SYN3: variants seen among roughly 807,000 people sequenced by gnomAD.
SYN3 encodes synapsin III, also known as synapsin-3.
A neutral mutation model predicts 65.8 loss-of-function variants in SYN3; 35 were observed. The ratio of observed to expected loss-of-function variants is 0.53; its 90% CI spans 0.41 to 0.70. SYN3 has a LOEUF of 0.70. Ranked by LOEUF, SYN3 falls within the 30% of genes least tolerant of loss-of-function variation. The probability of loss-of-function intolerance (pLI) is 0.00; values close to 1 mark genes in which losing one functional copy is unlikely to be tolerated. For missense variants in SYN3, 680 were observed against 749.0 expected (o/e 0.91, Z 1.08); for synonymous variants, 270 against 292.9 (o/e 0.92, Z 0.80).
intron 6 of SYN3, among the ~76,000 whole-genome samples, chr22:32,615,761 C>A (rs542384836): frequency 1.3e-5 from 2 of 152,338 alleles, no homozygotes; most frequent in Admixed American, 1.3e-4. Context: ...TTTTTCCCAC[C>A]TGTCTGCAGG....
intron 6 of SYN3, among the ~76,000 whole-genome samples, chr22:32,768,827 G>C (rs1443927372): frequency 1.3e-5 from 2 of 152,074 alleles, no homozygotes; most frequent in African/African-American, 4.8e-5. Flanking sequence ...TTCTCCTCTA[G>C]ATTCTCAGTG....
At chr22:32,815,210 T>G (rs1397438773) in intron 6 of SYN3, among the ~76,000 whole-genome samples, 3 of 152,222 alleles carry the variant, frequency 2.0e-5, no homozygotes, top group African/African-American at 7.2e-5. Flanking sequence ...TTCGAGGTAC[T>G]TTTGGGCTGA....
At chr22:32,833,520 G>C (rs73158335) in intron 6 of SYN3, among the ~76,000 whole-genome samples, 1 of 152,176 alleles carries the variant, frequency 6.6e-6, no homozygotes, top group African/African-American at 2.4e-5. Flanking sequence ...GACTGTAGAA[G>C]AAATTCAAAG....
intron 6 of SYN3, among the ~76,000 whole-genome samples, chr22:32,696,749 C>T (rs2060741947): frequency 6.6e-6 from 1 of 152,182 alleles, no homozygotes; most frequent in African/African-American, 2.4e-5. Context: ...TCAACTTACT[C>T]TTCCTATCCC....
intron 6 of SYN3, among the ~76,000 whole-genome samples, chr22:32,834,451 C>T (rs1395288431): frequency 6.6e-6 from 1 of 152,212 alleles, no homozygotes; most frequent in African/African-American, 2.4e-5. Context: ...GCATGAGCCA[C>T]TGCACCCGGC....
At chr22:32,723,492 C>T (rs2061147892) in intron 6 of SYN3, among the ~76,000 whole-genome samples, 1 of 152,056 alleles carries the variant, frequency 6.6e-6, no homozygotes, top group South Asian at 2.1e-4. Flanking sequence ...AAACTGAGGC[C>T]CAGATAAGGG....
chr22:32,793,532 T>C (rs145316219), intron 6 of SYN3, among the ~76,000 whole-genome samples: 8 of 152,332 alleles, frequency 5.3e-5, no homozygotes, highest in Non-Finnish European at 1.0e-4. Flanking sequence ...CCCAGAAGAC[T>C]GGGAGCTCCT....
At chr22:32,634,869 A>G (rs1332090260) in intron 6 of SYN3, among the ~76,000 whole-genome samples, 1 of 152,080 alleles carries the variant, frequency 6.6e-6, no homozygotes, top group Non-Finnish European at 1.5e-5. Context: ...GGCCCAGGAC[A>G]GCTTTGAATG....
At chr22:32,657,545 C>CA (rs1352736743) in intron 6 of SYN3, among the ~76,000 whole-genome samples, 4 of 152,232 alleles carry the variant, frequency 2.6e-5, no homozygotes, top group Non-Finnish European at 5.9e-5. Flanking sequence ...GTTGTTGCCC[C>CA]AGGGCCAAAT....
chr22:32,708,072 T>C (rs5754223), intron 6 of SYN3, among the ~76,000 whole-genome samples: 10,202 of 152,278 alleles, frequency 0.067, 395 homozygotes, highest in African/African-American at 0.1. Flanking sequence ...CATCTGACAG[T>C]TGGATTATTA....
At chr22:33,009,110 T>A (rs1307161886) in intron 1 of SYN3, among the ~76,000 whole-genome samples, 1 of 152,156 alleles carries the variant, frequency 6.6e-6, no homozygotes, top group Non-Finnish European at 1.5e-5. Context: ...GATGGATGGA[T>A]AAATTGAGAA....
chr22:32,934,040 T>A (rs1015447455), intron 3 of SYN3, among the ~76,000 whole-genome samples: 1 of 152,182 alleles, frequency 6.6e-6, no homozygotes, highest in Admixed American at 6.5e-5. Flanking sequence ...AAGATCACTG[T>A]GAATGAGTCC....
chr22:32,711,046 T>C (rs1398830875), intron 6 of SYN3, among the ~76,000 whole-genome samples: 1 of 152,146 alleles, frequency 6.6e-6, no homozygotes, highest in Non-Finnish European at 1.5e-5. Context: ...AAGGGAGCTG[T>C]CCTACCCACA....
Position 32,931,383 on chromosome 22 carries a change from T to G in SYN3, c.461+7A>C, listed in dbSNP as rs1250686804. ...CAGAAGGTTCTGCATATTTTAATCCTACTTACCTCACCACTTTGGTCCCAT... is the reference window on the plus strand; with the variant it reads ...CAGAAGGTTCTGCATATTTTAATCCGACTTACCTCACCACTTTGGTCCCAT... On this transcript the variant is annotated splice_region_variant and intron_variant, in intron 4 of 13. Coordinates refer to ENST00000358763, the MANE Select transcript of SYN3 (RefSeq NM_003490.4). 6.3e-7 allele frequency: 1 copy of G among 1,599,600 alleles called. No homozygotes were observed. Among genetic ancestry groups the G allele is most frequent in the Non-Finnish European group, 8.6e-7 (1 of 1,166,882 alleles).
At chr22:32,807,361 T>TA (rs5845034) in intron 6 of SYN3, among the ~76,000 whole-genome samples, 103,347 of 110,774 alleles carry the variant, frequency 0.93, 48,043 homozygotes, top group East Asian at 0.96. Context: ...ATATAATATA[T>TA]AATATATATT....
rs1263202691 is a variant in SYN3, at chr22:32,801,179, G to GAGAGAA, written c.711+63730_711+63735dup. ...TCCCAGAGAGTAAGAACCAGAGAGA[G>GAGAGAA]AGAGAAAGAGAGAGAGTTTGGGTCT... On this transcript the variant is annotated intron_variant, in intron 6 of 13. Coordinates refer to ENST00000358763, the MANE Select transcript of SYN3 (RefSeq NM_003490.4). This position sits in a 1 kb window ranked among gnomAD's most constrained non-coding sequence, Gnocchi z 4.7. 1.3e-5 allele frequency among the ~76,000 whole-genome samples: 2 copies of GAGAGAA among 152,232 alleles called. No homozygotes were observed. The highest frequency in any genetic ancestry group is 3.9e-4 in the East Asian group (2 of 5,186).
At position 32,597,204 on chromosome 22, in the gene SYN3, C is replaced by CTTTTTT. The variant is rs6147592; in HGVS notation, c.712-474_712-469dup. On this transcript the variant is annotated intron_variant, in intron 6 of 13. Transcript: ENST00000358763. ...GCATACTCCTGTCTTACATTATTCTCTTTTTTTTTTTTTTTTTTTTTTTTT... is the reference window on the plus strand; with the variant it reads ...GCATACTCCTGTCTTACATTATTCTCTTTTTTTTTTTTTTTTTTTTTTTTTTTTTTT... Among the ~76,000 whole-genome samples, 8 of 87,370 alleles carry CTTTTTT rather than the reference C, an allele frequency of 9.2e-5. 1 individual carries two copies. Among genetic ancestry groups the CTTTTTT allele is most frequent in the East Asian group, 6.9e-4 (2 of 2,892 alleles). 57.3% of individuals were successfully genotyped at this position (87,370 alleles called of 152,430 possible).
chr22:32,620,187 T>C (rs1215106220), intron 6 of SYN3, among the ~76,000 whole-genome samples: 1 of 152,192 alleles, frequency 6.6e-6, no homozygotes, highest in Non-Finnish European at 1.5e-5. Context: ...TTGGAAAAAA[T>C]TTCAAACTTC....
chr22:32,848,262 A>T (rs550626874), intron 6 of SYN3, among the ~76,000 whole-genome samples: 30 of 152,340 alleles, frequency 2.0e-4, no homozygotes, highest in African/African-American at 7.2e-4. Context: ...ATTCATAGTT[A>T]ACTAGTATCT....
Sources: allele counts gnomAD v4.1 joint callset (sites outside exome capture counted in the v4.1 genomes callset), GRCh38; gene constraint gnomAD v4.1.1; non-coding constraint Gnocchi (gnomAD v3.1); transcripts MANE v1.5; gene names NCBI Gene and HGNC (gene_info 2026-07-23, HGNC 2026-07-21).